STPG2: variants seen among roughly 807,000 people sequenced by gnomAD.
STPG2 encodes the protein sperm-tail PG-rich repeat-containing protein 2.
Under a neutral mutation model 54.2 loss-of-function variants are expected in STPG2, and 56 were observed. The observed-to-expected ratio is 1.03, with a 90% confidence interval of 0.83 to 1.29. The LOEUF (loss-of-function observed/expected upper bound fraction) is 1.29. STPG2 is among the 50% of genes most tolerant of loss of function. The probability of loss-of-function intolerance (pLI) is 0.00; values close to 1 mark genes in which losing one functional copy is unlikely to be tolerated. For synonymous variants in STPG2, 200 were observed against 181.8 expected, an observed-to-expected ratio of 1.10 and a Z score of -0.81; for missense variants, 596 against 544.9, an observed-to-expected ratio of 1.09 and a Z score of -0.93.
chr4:97,630,080 G>A (rs769249854), intron 10 of STPG2, among the ~76,000 whole-genome samples: 1 of 151,824 alleles, frequency 6.6e-6, no homozygotes, highest in Non-Finnish European at 1.5e-5. Context: ...GCAGCTTTCA[G>A]ACAAAACTAA....
intron 10 of STPG2, among the ~76,000 whole-genome samples, chr4:97,635,251 G>C (rs1208646393): frequency 6.6e-6 from 1 of 152,168 alleles, no homozygotes; most frequent in Admixed American, 6.5e-5. Context: ...AGCTTCATAA[G>C]TGAAGGAGAA....
intron 8 of STPG2, among the ~76,000 whole-genome samples, chr4:97,860,167 T>C (rs1323457005): frequency 1.3e-5 from 2 of 152,224 alleles, no homozygotes; most frequent in Non-Finnish European, 2.9e-5. Flanking sequence ...ATGTGATGCC[T>C]CCAAATTAGT....
chr4:97,947,070 G>A (rs575970202), intron 7 of STPG2, among the ~76,000 whole-genome samples: 6 of 151,884 alleles, frequency 4.0e-5, no homozygotes, highest in Non-Finnish European at 7.4e-5. Context: ...GATTTCTTTC[G>A]GCAGTGTTTT....
intron 10 of STPG2, among the ~76,000 whole-genome samples, chr4:97,630,881 T>C (rs1403318597): frequency 6.6e-6 from 1 of 151,862 alleles, no homozygotes; most frequent in Non-Finnish European, 1.5e-5. Context: ...ATAGACTACA[T>C]GATTCATATG....
chr4:97,592,778 G>A (rs1455778158), intron 10 of STPG2, among the ~76,000 whole-genome samples: 1 of 152,120 alleles, frequency 6.6e-6, no homozygotes, highest in African/African-American at 2.4e-5. Flanking sequence ...AAATAGGCAA[G>A]ATGATCCCCT....
intron 8 of STPG2, among the ~76,000 whole-genome samples, chr4:97,841,748 A>C (rs1191138519): frequency 6.6e-6 from 1 of 151,800 alleles, no homozygotes; most frequent in East Asian, 1.9e-4. Flanking sequence ...GCTGCTTACT[A>C]GCTATGTGAC....
At chr4:97,682,549 T>G (rs1021829797) in intron 10 of STPG2, among the ~76,000 whole-genome samples, 8 of 151,826 alleles carry the variant, frequency 5.3e-5, no homozygotes, top group Admixed American at 4.6e-4. Context: ...AATATTTCTC[T>G]TTTACTTTCT....
chr4:97,507,690 G>A (rs1226877337), intron 4 of STPG2, among the ~76,000 whole-genome samples: 2 of 151,950 alleles, frequency 1.3e-5, no homozygotes, highest in Non-Finnish European at 2.9e-5. Context: ...GGGCTAGAAA[G>A]ACTCATAGTA....
chr4:97,660,014 T>C (rs1228913567), intron 10 of STPG2, among the ~76,000 whole-genome samples: 1 of 151,654 alleles, frequency 6.6e-6, no homozygotes, highest in Non-Finnish European at 1.5e-5. Flanking sequence ...CTTTTTTTTT[T>C]TTTTTTGAGA....
chr4:97,441,766 G>A (rs1214000852), intron 4 of STPG2, among the ~76,000 whole-genome samples: 1 of 151,830 alleles, frequency 6.6e-6, no homozygotes, highest in East Asian at 1.9e-4. Flanking sequence ...TTTTGACTCT[G>A]CTGAAGATTT....
intron 5 of STPG2, among the ~76,000 whole-genome samples, chr4:98,078,327 G>A (rs1251644850): frequency 6.6e-6 from 1 of 152,022 alleles, no homozygotes; most frequent in Non-Finnish European, 1.5e-5. Context: ...TCCACCACTA[G>A]TTAGCAGATA....
intron 8 of STPG2, among the ~76,000 whole-genome samples, chr4:97,881,934 C>T (rs900290481): frequency 4.6e-5 from 7 of 152,236 alleles, no homozygotes; most frequent in African/African-American, 1.7e-4. Context: ...ACCATCCTAA[C>T]AACAAAATCT....
At chr4:97,479,508 G>T (rs1384879236) in intron 4 of STPG2, among the ~76,000 whole-genome samples, 1 of 151,818 alleles carries the variant, frequency 6.6e-6, no homozygotes, top group African/African-American at 2.4e-5. Context: ...TAATTTAGTG[G>T]ACTATAAATG....
chr4:97,658,739 T>C (rs903219976), intron 10 of STPG2, among the ~76,000 whole-genome samples: 6 of 152,208 alleles, frequency 3.9e-5, no homozygotes, highest in Non-Finnish European at 8.8e-5. Context: ...CTGCTTTTTC[T>C]AAGAAATTAA....
intron 3 of STPG2, among the ~76,000 whole-genome samples, chr4:98,113,504 C>T (rs1353163991): frequency 6.6e-6 from 1 of 151,774 alleles, no homozygotes; most frequent in African/African-American, 2.4e-5. Context: ...GGAATATTTC[C>T]AGCACTGTAC....
At chr4:97,950,574 G>C (rs1009649039) in intron 7 of STPG2, among the ~76,000 whole-genome samples, 1 of 151,748 alleles carries the variant, frequency 6.6e-6, no homozygotes, top group African/African-American at 2.4e-5. Context: ...TTTTGAATTC[G>C]TTTTCTGGTA....
At chr4:98,031,851 AAAAC>A (rs1251871511) in intron 5 of STPG2, among the ~76,000 whole-genome samples, 1 of 152,206 alleles carries the variant, frequency 6.6e-6, no homozygotes, top group Non-Finnish European at 1.5e-5. Context: ...ATCTACAAAG[AAAAC>A]AAACAAGTCA....
intron 7 of STPG2, among the ~76,000 whole-genome samples, chr4:97,969,630 C>G (rs1488452608): frequency 6.6e-6 from 1 of 152,158 alleles, no homozygotes; most frequent in Non-Finnish European, 1.5e-5. Context: ...GTTAAAAACT[C>G]TCAATAAACT....
At chr4:97,584,269 C>T (rs750219441) in intron 10 of STPG2, among the ~76,000 whole-genome samples, 1 of 151,946 alleles carries the variant, frequency 6.6e-6, no homozygotes, top group South Asian at 2.1e-4. Context: ...AAATAATCTG[C>T]TCCTGAAGGA....
Sources: allele counts gnomAD v4.1 joint callset (sites outside exome capture counted in the v4.1 genomes callset), GRCh38; gene constraint gnomAD v4.1.1; transcripts MANE v1.5; gene names NCBI Gene and HGNC (gene_info 2026-07-23, HGNC 2026-07-21).